The following IMMP2L variants were observed in gnomAD, a reference collection of about 807,000 sequenced individuals.
IMMP2L encodes the protein inner mitochondrial membrane peptidase subunit 2.
A neutral mutation model predicts 19.3 loss-of-function variants in IMMP2L; 18 were observed. The ratio of observed to expected loss-of-function variants is 0.93; its 90% confidence interval spans 0.64 to 1.38. IMMP2L has a LOEUF of 1.38. Among genes scored for constraint, IMMP2L ranks in the 40% most tolerant of loss-of-function variants. The probability of loss-of-function intolerance (pLI) is 0.00; values close to 1 mark genes in which losing one functional copy is unlikely to be tolerated. For synonymous variants in IMMP2L, 76 were observed against 73.0 expected (o/e 1.04, Z -0.21); for missense variants, 233 against 218.2 (o/e 1.07, Z -0.43).
At chr7:111,221,076 T>G (rs1336385517) in intron 3 of IMMP2L, among the ~76,000 whole-genome samples, 1 of 152,002 alleles carries the variant, frequency 6.6e-6, no homozygotes, top group Non-Finnish European at 1.5e-5. Context: ...AGCATCCTGT[T>G]GCCTAGTCAA....
rs138038480 is a variant in IMMP2L at position 110,858,376 on chromosome 7, A to C, written c.408+28217T>G. On this transcript the variant is annotated intron_variant, in intron 5 of 5. Coordinates refer to ENST00000405709, the MANE Select transcript of IMMP2L (RefSeq NM_032549.4). Reference sequence around the variant, plus strand: ...GAGATGGTCTCTGTTTCCAGACTAAAGTTTTTGCAACACTAATTTAATCAA... The same window carrying C: ...GAGATGGTCTCTGTTTCCAGACTAACGTTTTTGCAACACTAATTTAATCAA... Among the ~76,000 whole-genome samples the C allele has an allele frequency of 4.3e-3, 649 of 152,078 alleles. 4 individuals carry two copies. Among genetic ancestry groups the C allele is most frequent in the African/African-American group, 0.015 (630 of 41,480 alleles).
chr7:110,844,769 A>T (rs1452737458), intron 5 of IMMP2L, among the ~76,000 whole-genome samples: 2 of 152,010 alleles, frequency 1.3e-5, no homozygotes, highest in African/African-American at 2.4e-5. Context: ...AATGGCAAGG[A>T]TGGACAGTTT....
intron 1 of IMMP2L, among the ~76,000 whole-genome samples, chr7:111,545,710 C>T (rs1319716832): frequency 6.6e-6 from 1 of 152,112 alleles, no homozygotes; most frequent in Non-Finnish European, 1.5e-5. Context: ...TTTTTAAATT[C>T]ATTTCTCTAT....
At chr7:111,303,835 G>A (rs1822533953) in intron 3 of IMMP2L, among the ~76,000 whole-genome samples, 1 of 151,916 alleles carries the variant, frequency 6.6e-6, no homozygotes. Flanking sequence ...ATCATTTAAT[G>A]TGCAATAAAA....
chr7:111,532,764 A>G (rs961567684), intron 1 of IMMP2L, among the ~76,000 whole-genome samples: 1 of 152,238 alleles, frequency 6.6e-6, no homozygotes, highest in Admixed American at 6.5e-5. Context: ...TAAGGCTCCA[A>G]TTAGTCTGTC....
intron 3 of IMMP2L, among the ~76,000 whole-genome samples, chr7:111,378,648 A>T (rs1830911645): frequency 6.6e-6 from 1 of 152,022 alleles, no homozygotes; most frequent in Non-Finnish European, 1.5e-5. Context: ...TATTTTAATG[A>T]CTAAACAGTT....
chr7:111,292,882 C>T (rs924250239), intron 3 of IMMP2L, among the ~76,000 whole-genome samples: 4 of 151,844 alleles, frequency 2.6e-5, no homozygotes, highest in Non-Finnish European at 4.4e-5. Context: ...TATGGAACAA[C>T]CATTATAACC....
chr7:111,251,870 C>A (rs888388584), intron 3 of IMMP2L, among the ~76,000 whole-genome samples: 4 of 151,714 alleles, frequency 2.6e-5, no homozygotes, highest in Admixed American at 2.6e-4. Flanking sequence ...AACTGCACAC[C>A]CCCCAGAACT....
In IMMP2L at chr7:111,123,670, A is replaced by G. The variant is rs1800928343; in HGVS notation, c.240-160105T>C. ...AAATAATATGCCTGAGCTGATTTCC[A>G]TCGATAGTCTTGCTGTGGATAACCT... On this transcript the variant is annotated intron_variant, in intron 3 of 5. Transcript: ENST00000405709. The surrounding 1 kb of genome is among the most constrained non-coding windows in gnomAD (Gnocchi z 6.4). 1 of 1,613,872 alleles carries G rather than the reference A, an allele frequency of 6.2e-7. No individual in the cohort carries two copies. The highest frequency in any genetic ancestry group is 8.5e-7 in the Non-Finnish European group (1 of 1,179,982).
intron 4 of IMMP2L, among the ~76,000 whole-genome samples, chr7:110,923,444 G>T (rs1246285328): frequency 6.6e-6 from 1 of 152,020 alleles, no homozygotes; most frequent in African/African-American, 2.4e-5. Flanking sequence ...CAAACAAACA[G>T]AAAGTCTTAA....
At chr7:111,207,038 A>T (rs1810786529) in intron 3 of IMMP2L, among the ~76,000 whole-genome samples, 1 of 152,244 alleles carries the variant, frequency 6.6e-6, no homozygotes, top group Non-Finnish European at 1.5e-5. Context: ...AAGGAAATTT[A>T]TTCAATGATT....
At chr7:111,519,206 A>G (rs1846130974) in intron 2 of IMMP2L, among the ~76,000 whole-genome samples, 1 of 152,164 alleles carries the variant, frequency 6.6e-6, no homozygotes, top group Non-Finnish European at 1.5e-5. Flanking sequence ...GTACCCTGCT[A>G]TGCAGAGAAA....
chr7:110,664,596 A>T (rs2012893221), intron 5 of IMMP2L, among the ~76,000 whole-genome samples: 1 of 152,186 alleles, frequency 6.6e-6, no homozygotes, highest in Non-Finnish European at 1.5e-5. Context: ...ACAGGAGAAC[A>T]TAGCAAACTT....
chr7:111,013,059 G>T (rs910666621), intron 3 of IMMP2L, among the ~76,000 whole-genome samples: 3 of 152,030 alleles, frequency 2.0e-5, no homozygotes, highest in Non-Finnish European at 4.4e-5. Flanking sequence ...CTAAATTCAT[G>T]AACCCCACAA....
chr7:111,453,084 T>G (rs560924100), intron 3 of IMMP2L, among the ~76,000 whole-genome samples: 1 of 152,094 alleles, frequency 6.6e-6, no homozygotes, highest in African/African-American at 2.4e-5. Context: ...CCGATTCTAA[T>G]TGCATGTGAT....
intron 3 of IMMP2L, among the ~76,000 whole-genome samples, chr7:111,009,609 C>T (rs1824708041): frequency 6.6e-6 from 1 of 152,030 alleles, no homozygotes; most frequent in African/African-American, 2.4e-5. Context: ...TAAATTTTGA[C>T]ATACTGAAAA....
chr7:111,027,448 A>G (rs1323093323), intron 3 of IMMP2L, among the ~76,000 whole-genome samples: 1 of 152,152 alleles, frequency 6.6e-6, no homozygotes, highest in Non-Finnish European at 1.5e-5. Context: ...TAAAATGACT[A>G]GAATGACTCA....
intron 5 of IMMP2L, among the ~76,000 whole-genome samples, chr7:110,733,995 A>T (rs2130831422): frequency 6.6e-6 from 1 of 152,294 alleles, no homozygotes; most frequent in African/African-American, 2.4e-5. Context: ...AATCTAAAGT[A>T]TTTTGTTACA....
At chr7:111,353,952 G>A (rs1828438706) in intron 3 of IMMP2L, among the ~76,000 whole-genome samples, 1 of 151,828 alleles carries the variant, frequency 6.6e-6, no homozygotes, top group Non-Finnish European at 1.5e-5. Flanking sequence ...GCCTACATAG[G>A]GTCCTCTGAC....
Sources: allele counts gnomAD v4.1 joint callset (sites outside exome capture counted in the v4.1 genomes callset), GRCh38; gene constraint gnomAD v4.1.1; non-coding constraint Gnocchi (gnomAD v3.1); transcripts MANE v1.5; gene names NCBI Gene and HGNC (gene_info 2026-07-23, HGNC 2026-07-21).